HMMR: variants seen among roughly 807,000 people sequenced by gnomAD.
HMMR encodes intracellular hyaluronic acid-binding protein.
HMMR carries 108 observed loss-of-function variants against 101.0 expected under a neutral mutation model. That is an observed-to-expected ratio of 1.07 (90% confidence interval 0.92 to 1.25). The LOEUF is 1.25. Among genes scored for constraint, HMMR ranks in the 50% most tolerant of loss-of-function variants. The probability of loss-of-function intolerance (pLI) is 0.00; values close to 1 mark genes in which losing one functional copy is unlikely to be tolerated. For missense variants in HMMR, 813 were observed against 788.7 expected (o/e 1.03, Z -0.37); for synonymous variants, 296 against 276.4 (o/e 1.07, Z -0.70).
Position 163,464,792 on chromosome 5 carries a change from C to G in HMMR, c.215C>G (p.Ser72Trp), listed in dbSNP as rs143745216. Residue 72 changes from serine to tryptophan, a missense_variant, in exon 3 of 18, where the codon TCG becomes TGG. Transcript: ENST00000393915. ...GCTTCAGCTAGAAAAGTTAAGTCTT[C>G]GGAATCAAAGGTGAGGAGCTTTTAT... Reference protein sequence around the residue: ...LPASARKVKSSESKKESQKND... With the variant: ...LPASARKVKSWESKKESQKND... 3 of 1,608,130 alleles carry G rather than the reference C, an allele frequency of 1.9e-6. No individual in the cohort carries two copies. The African/African-American group carries it at 4.0e-5, about 22-fold the overall frequency.
rs116814831 is a variant in HMMR, at chr5:163,468,436, G to C, written c.273+688G>C. ...TTTACTTTCCTAGCAATGCTAAGCA[G>C]CTCACTGTGAACTTTGCTTCTCTGC... On this transcript the variant is annotated intron_variant, in intron 4 of 17. Coordinates refer to ENST00000393915, the MANE Select transcript of HMMR (RefSeq NM_001142556.2). Among the ~76,000 whole-genome samples, 526 of 152,264 alleles carry C rather than the reference G, an allele frequency of 3.5e-3. 3 individuals are homozygous for C. Among genetic ancestry groups the C allele is most frequent in the African/African-American group, 0.012 (502 of 41,544 alleles).
intron 7 of HMMR, 148 bp downstream of exon 7, chr5:163,471,611 C>T (rs552742747): frequency 1.7e-6 from 1 of 592,974 alleles, no homozygotes; most frequent in Admixed American, 3.2e-5. Context: ...TCTTTTTAAA[C>T]TAGAATGAGC....
At chr5:163,466,873 T>C (rs916475005) in intron 3 of HMMR, among the ~76,000 whole-genome samples, 7 of 152,200 alleles carry the variant, frequency 4.6e-5, no homozygotes, top group Non-Finnish European at 1.0e-4. Context: ...GCAGGACTAT[T>C]ATAGACACTC....
chr5:163,476,705 GAAGT>G (rs1373076741), intron 11 of HMMR, among the ~76,000 whole-genome samples: 1 of 152,136 alleles, frequency 6.6e-6, no homozygotes, highest in Non-Finnish European at 1.5e-5. Context: ...GAAACATTCA[GAAGT>G]AAGAAATCTC....
chr5:163,473,967 G>A lies in HMMR; in HGVS notation c.905-90G>A, dbSNP rs969912632. 9.2e-6 allele frequency: 9 copies of A among 982,838 alleles called. No homozygotes were observed. In the Admixed American group the frequency reaches 2.5e-4, roughly 27 times the overall value. 60.9% of individuals were successfully genotyped at this position (982,838 alleles called of 1,614,324 possible). On this transcript the variant is annotated intron_variant, in intron 9 of 17. Coordinates refer to ENST00000393915, the MANE Select transcript of HMMR (RefSeq NM_001142556.2). Reference sequence around the variant, plus strand: ...CTTCTTTGGAAATACCATGCTAAAAGCAGTGTAATGGAATATTATGGGAGT... The same window carrying A: ...CTTCTTTGGAAATACCATGCTAAAAACAGTGTAATGGAATATTATGGGAGT...
chr5:163,479,026 C>T (rs904362689), intron 12 of HMMR, among the ~76,000 whole-genome samples: 1 of 152,186 alleles, frequency 6.6e-6, no homozygotes, highest in Non-Finnish European at 1.5e-5. Context: ...CCATCCACTT[C>T]AACTTTTATG....
chr5:163,476,604 C>T (rs1318868733), intron 11 of HMMR, among the ~76,000 whole-genome samples: 3 of 152,062 alleles, frequency 2.0e-5, no homozygotes, highest in Admixed American at 2.0e-4. Flanking sequence ...CTGTTAATAG[C>T]CATGGCACTC....
At chr5:163,476,807 A>G (rs1004744366) in intron 11 of HMMR, among the ~76,000 whole-genome samples, 3 of 152,192 alleles carry the variant, frequency 2.0e-5, no homozygotes, top group African/African-American at 2.4e-5. Flanking sequence ...AGGCAGCGAG[A>G]TCACAAGGTC....
intron 1 of HMMR, among the ~76,000 whole-genome samples, chr5:163,461,879 A>G (rs1293613608): frequency 5.9e-5 from 9 of 152,014 alleles, no homozygotes; most frequent in African/African-American, 1.9e-4. Flanking sequence ...TATTGACCTC[A>G]TTTTACAGAT....
chr5:163,490,555 A>G lies in HMMR; in HGVS notation c.2125+3A>G. ...CCTGAAGACCCCATTAAAAGAAGGT[A>G]AGACATGAATAAATGTATAAAAGTG... is the stretch of plus-strand genomic sequence containing the variant. On this transcript the variant is annotated splice_donor_region_variant and intron_variant, in intron 17 of 17. Coordinates refer to ENST00000393915, the MANE Select transcript of HMMR (RefSeq NM_001142556.2). 1 of 1,583,316 alleles carries G rather than the reference A, an allele frequency of 6.3e-7. No homozygotes were observed. Among genetic ancestry groups the G allele is most frequent in the Non-Finnish European group, 8.6e-7 (1 of 1,165,792 alleles).
At position 163,490,428 on chromosome 5, in the gene HMMR, A is replaced by AG; in HGVS notation, c.2001_2002insG (p.Gln668AlafsTer3). ...TCCGCTGTCAGCTTGCTAAAAAAAA[A>AG]CAAAGTGAGACAAAACTTCAAGAGG... is the stretch of plus-strand genomic sequence containing the variant. On this transcript the variant is annotated frameshift_variant, in exon 17 of 18. Transcript: ENST00000393915. LOFTEE classifies it high-confidence loss of function. The AG allele has an allele frequency of 6.3e-7, 1 of 1,594,494 alleles. No homozygotes were observed. Among genetic ancestry groups the AG allele is most frequent in the Non-Finnish European group, 8.5e-7 (1 of 1,172,812 alleles).
chr5:163,483,062 A>G lies in HMMR; in HGVS notation c.1575A>G (p.Thr525=). 1.9e-6 allele frequency: 3 copies of G among 1,612,516 alleles called. No homozygotes were observed. Among genetic ancestry groups the G allele is most frequent in the Non-Finnish European group, 2.5e-6 (3 of 1,179,258 alleles). ...DLQTKSALKE[T]EIKEITVSFL... ...AGACCAAGTCAGCACTAAAGGAAAC[A>G]GAAATTAAAGAAATCACAGTTTCTT... Residue 525 remains threonine (T), a synonymous_variant, in exon 14 of 18, where the codon ACA becomes ACG. Coordinates refer to ENST00000393915, the MANE Select transcript of HMMR (RefSeq NM_001142556.2).
chr5:163,464,626 C>T, intron 2 of HMMR, 97 bp from the exon 3 acceptor site: 1 of 838,472 alleles, frequency 1.2e-6, no homozygotes, highest in Non-Finnish European at 2.0e-6. Context: ...CAAAAACAAA[C>T]AAAAAGAGAA....
At position 163,483,013 on chromosome 5, in the gene HMMR, A is replaced by G; in HGVS notation, c.1533-7A>G. ...TGTTTAGTGACCTCTTCTCTCTCAA[A>G]CCAAAGGATGCTTCTAGATCTGCAG... is the stretch of plus-strand genomic sequence containing the variant. On this transcript the variant is annotated splice_polypyrimidine_tract_variant and splice_region_variant and intron_variant, in intron 13 of 17. Transcript: ENST00000393915. 1.3e-6 allele frequency: 2 copies of G among 1,578,472 alleles called. No individual in the cohort carries two copies. The highest frequency in any genetic ancestry group is 1.7e-6 in the Non-Finnish European group (2 of 1,168,818).
At chr5:163,482,274 C>G (rs951235578) in intron 12 of HMMR, among the ~76,000 whole-genome samples, 1 of 152,218 alleles carries the variant, frequency 6.6e-6, no homozygotes, top group Non-Finnish European at 1.5e-5. Context: ...CTGTGCCCTG[C>G]GGTGATGACC....
Position 163,491,253 on chromosome 5 carries a change from GT to G in HMMR, c.*91del, listed in dbSNP as rs1759686725. On this transcript the variant is annotated 3_prime_UTR_variant, in exon 18 of 18. Transcript: ENST00000393915. ...ATATTTGACATGGGTATTTTATAAT[GT>G]TGTATTTAATTTTAACTGCCAATCC... 1 of 714,116 alleles carries G rather than the reference GT, an allele frequency of 1.4e-6. No individual in the cohort carries two copies. The highest frequency in any genetic ancestry group is 1.9e-5 in the African/African-American group (1 of 53,822). The allele number at this position is 714,116 out of a possible 1,614,324, so 44.2% of individuals were successfully genotyped here. A position where few individuals can be genotyped will look rare whatever the true frequency, so the allele number is the denominator to read the frequency against.
At position 163,491,666 on chromosome 5, in the gene HMMR, G is replaced by A. The variant is rs1220900570; in HGVS notation, c.*502G>A. The A allele has an allele frequency of 1.3e-5, 2 of 152,142 alleles. No homozygotes were observed. Among genetic ancestry groups the A allele is most frequent in the African/African-American group, 4.8e-5 (2 of 41,426 alleles). The allele number at this position is 152,142 out of a possible 1,614,324, so 9.4% of individuals were successfully genotyped here. A position where few individuals can be genotyped will look rare whatever the true frequency, so the allele number is the denominator to read the frequency against. Reference sequence around the variant, plus strand: ...AAATAAGGACAAGCCTAACTTCATAGAAACCTCTCTATTTTTAATCAGTTG... The same window carrying A: ...AAATAAGGACAAGCCTAACTTCATAAAAACCTCTCTATTTTTAATCAGTTG... On this transcript the variant is annotated 3_prime_UTR_variant, in exon 18 of 18. Coordinates refer to ENST00000393915, the MANE Select transcript of HMMR (RefSeq NM_001142556.2).
intron 5 of HMMR, 163 bp downstream of exon 5, chr5:163,469,992 A>G: frequency 2.1e-6 from 1 of 481,416 alleles, no homozygotes; most frequent in Non-Finnish European, 3.6e-6. Context: ...ACATGGAGAA[A>G]CCCTGTCTCT....
In HMMR at chr5:163,471,100, T is replaced by C. The variant is rs971400872; in HGVS notation, c.463-85T>C. ...AAAGTCAAAAACATAACCCCAGTGA[T>C]AGGTAGAAAAATCAATATTTGTGTA... On this transcript the variant is annotated intron_variant, in intron 5 of 17. Transcript: ENST00000393915. The C allele has an allele frequency of 1.2e-5, 10 of 804,278 alleles. No individual in the cohort carries two copies. In the Admixed American group the frequency reaches 2.3e-4, roughly 19 times the overall value. 49.8% of individuals were successfully genotyped at this position (804,278 alleles called of 1,614,324 possible). A position where few individuals can be genotyped will look rare whatever the true frequency, so the allele number is the denominator to read the frequency against.
Sources: gnomAD v4.1 joint callset for allele counts (sites outside exome capture counted in the v4.1 genomes callset) on GRCh38, gnomAD v4.1.1 for gene constraint, MANE v1.5 for transcripts, NCBI Gene and HGNC (gene_info 2026-07-23, HGNC 2026-07-21) for gene names.